The following SOBP variants were observed in gnomAD, a reference collection of about 807,000 sequenced individuals.
The protein encoded by SOBP is sine oculis binding protein homolog.
SOBP carries 4 observed loss-of-function variants against 53.6 expected under a neutral mutation model. The observed-to-expected ratio is 0.07, with a 90% confidence interval of 0.04 to 0.17. The LOEUF is 0.17. SOBP is among the 10% of genes least tolerant of loss of function. SOBP has a pLI of 1.00. For synonymous variants in SOBP, 584 were observed against 522.6 expected (o/e 1.12, Z -1.60); for missense variants, 1,088 against 1,204.7 (o/e 0.90, Z 1.43).
At chr6:107,591,586 T>G (rs1785749434) in intron 5 of SOBP, among the ~76,000 whole-genome samples, 2 of 152,118 alleles carry the variant, frequency 1.3e-5, no homozygotes, top group South Asian at 4.1e-4. Flanking sequence ...ATGGGCCAGG[T>G]GCACTGCACC....
intron 3 of SOBP, among the ~76,000 whole-genome samples, 156 bp downstream of exon 3, chr6:107,506,583 T>G (rs1783000505): frequency 6.6e-6 from 1 of 152,182 alleles, no homozygotes; most frequent in African/African-American, 2.4e-5. Context: ...CTTAGAGTAT[T>G]ACTGTTACAT....
At chr6:107,584,832 G>A (rs1223683107) in intron 4 of SOBP, among the ~76,000 whole-genome samples, 7 of 151,238 alleles carry the variant, frequency 4.6e-5, no homozygotes, top group Non-Finnish European at 1.0e-4. Flanking sequence ...AAAACATTGT[G>A]TGCACCTTAC....
chr6:107,626,256 T>C (rs1406794091), intron 5 of SOBP, among the ~76,000 whole-genome samples: 1 of 152,186 alleles, frequency 6.6e-6, no homozygotes, highest in East Asian at 1.9e-4. Flanking sequence ...CATGTTAACC[T>C]TTAGAACAAA....
chr6:107,560,796 A>G (rs1166457730), intron 4 of SOBP, among the ~76,000 whole-genome samples: 1 of 152,112 alleles, frequency 6.6e-6, no homozygotes, highest in Non-Finnish European at 1.5e-5. Context: ...GGAGGTGGGT[A>G]TACATGGCCA....
intron 4 of SOBP, among the ~76,000 whole-genome samples, chr6:107,556,054 G>A (rs1784600622): frequency 6.6e-6 from 1 of 152,218 alleles, no homozygotes; most frequent in Admixed American, 6.5e-5. Flanking sequence ...TTTTAAAAAT[G>A]AGGACATTAA....
At chr6:107,583,417 A>G (rs1785465057) in intron 4 of SOBP, among the ~76,000 whole-genome samples, 1 of 152,202 alleles carries the variant, frequency 6.6e-6, no homozygotes, top group Non-Finnish European at 1.5e-5. Context: ...CTTTTTAAGG[A>G]AGTGGTATGG....
chr6:107,646,366 T>C (rs187926106), intron 6 of SOBP, among the ~76,000 whole-genome samples: 1 of 152,350 alleles, frequency 6.6e-6, no homozygotes, highest in East Asian at 1.9e-4. Flanking sequence ...AGGAAGATGC[T>C]GGCTTGGCTC....
chr6:107,649,889 C>T (rs557884952), intron 6 of SOBP, among the ~76,000 whole-genome samples: 14 of 152,166 alleles, frequency 9.2e-5, no homozygotes, highest in East Asian at 1.9e-4. Context: ...CTGGGTTCTT[C>T]GCCCCTCAGA....
intron 6 of SOBP, among the ~76,000 whole-genome samples, chr6:107,640,888 A>G (rs937218097): frequency 2.0e-5 from 3 of 152,198 alleles, no homozygotes; most frequent in Non-Finnish European, 2.9e-5. Context: ...CTAGTGCAGC[A>G]CTGGTCCTGG....
chr6:107,503,322 A>G (rs1442797898), intron 1 of SOBP, among the ~76,000 whole-genome samples: 2 of 152,180 alleles, frequency 1.3e-5, no homozygotes, highest in Non-Finnish European at 2.9e-5. Context: ...TTCACCTTTC[A>G]ATATTTTTGT....
intron 4 of SOBP, among the ~76,000 whole-genome samples, chr6:107,565,720 C>A (rs566767880): frequency 1.3e-5 from 2 of 152,288 alleles, no homozygotes; most frequent in Admixed American, 1.3e-4. Context: ...AGTGCAGAGT[C>A]AGAAGGACTG....
chr6:107,605,873 T>C (rs1371750210), intron 5 of SOBP, among the ~76,000 whole-genome samples: 1 of 152,178 alleles, frequency 6.6e-6, no homozygotes, highest in Non-Finnish European at 1.5e-5. Context: ...TGCATTTTAA[T>C]GAGATCGCTA....
chr6:107,561,967 G>T (rs1784784500), intron 4 of SOBP, among the ~76,000 whole-genome samples: 1 of 151,192 alleles, frequency 6.6e-6, no homozygotes, highest in South Asian at 2.1e-4. Context: ...CAAAAATCAT[G>T]TATTCTTTGA....
At chr6:107,584,284 T>C (rs1785499143) in intron 4 of SOBP, among the ~76,000 whole-genome samples, 1 of 151,066 alleles carries the variant, frequency 6.6e-6, no homozygotes, top group East Asian at 1.9e-4. Flanking sequence ...CCCCAGATGA[T>C]TCTAATATGC....
chr6:107,571,632 C>T (rs1371247649), intron 4 of SOBP, among the ~76,000 whole-genome samples: 5 of 152,252 alleles, frequency 3.3e-5, no homozygotes, highest in African/African-American at 7.2e-5. Flanking sequence ...AGCCATATGA[C>T]GGGGAAGAGA....
At chr6:107,521,781 C>A (rs1783496016) in intron 3 of SOBP, among the ~76,000 whole-genome samples, 1 of 152,098 alleles carries the variant, frequency 6.6e-6, no homozygotes, top group South Asian at 2.1e-4. Context: ...ACCCAAGGTG[C>A]ACCTAGTAAG....
At chr6:107,573,123 A>G (rs1489912791) in intron 4 of SOBP, among the ~76,000 whole-genome samples, 1 of 152,200 alleles carries the variant, frequency 6.6e-6, no homozygotes, top group Non-Finnish European at 1.5e-5. Flanking sequence ...GAAGAGAGAT[A>G]GAAGTGGTCG....
At chr6:107,497,544 C>T (rs781331056) in intron 1 of SOBP, among the ~76,000 whole-genome samples, 10 of 151,916 alleles carry the variant, frequency 6.6e-5, no homozygotes, top group Non-Finnish European at 1.5e-4. Flanking sequence ...CCCACCCAGA[C>T]GCAATTACTG....
chr6:107,583,527 ATC>A (rs1785469261), intron 4 of SOBP, among the ~76,000 whole-genome samples: 1 of 152,102 alleles, frequency 6.6e-6, no homozygotes. Context: ...AATCTCTTAA[ATC>A]TTTTTTCTTT....
Sources: gnomAD v4.1 joint callset for allele counts (sites outside exome capture counted in the v4.1 genomes callset) on GRCh38, gnomAD v4.1.1 for gene constraint, MANE v1.5 for transcripts, NCBI Gene and HGNC (gene_info 2026-07-23, HGNC 2026-07-21) for gene names.